Variants in NALCN observed in about 807,000 individuals in gnomAD.
NALCN encodes sodium leak channel NALCN.
In NALCN, 111 loss-of-function variants were observed where a neutral mutation model predicts 225.3. That is an observed-to-expected ratio of 0.49 (90% confidence interval 0.42 to 0.58). The LOEUF (loss-of-function observed/expected upper bound fraction) is 0.58, where lower values mean the gene tolerates loss of function less well. Ranked by LOEUF, NALCN falls within the 20% of genes least tolerant of loss-of-function variation. The probability of loss-of-function intolerance (pLI) is 0.00; values close to 1 mark genes in which losing one functional copy is unlikely to be tolerated. For missense variants in NALCN, 1,378 were observed against 2,202.4 expected (o/e 0.63, Z 7.49); for synonymous variants, 764 against 769.0 (o/e 0.99, Z 0.11).
At chr13:101,347,914 C>T (rs921340830) in intron 6 of NALCN, among the ~76,000 whole-genome samples, 1 of 151,996 alleles carries the variant, frequency 6.6e-6, no homozygotes, top group Non-Finnish European at 1.5e-5. Context: ...TAGCATAAAT[C>T]CCAGCATGTA....
chr13:101,146,076 T>G (rs1173329795), intron 15 of NALCN, among the ~76,000 whole-genome samples: 1 of 152,216 alleles, frequency 6.6e-6, no homozygotes, highest in Non-Finnish European at 1.5e-5. Context: ...TGGGGAAACA[T>G]TCCCATTTCA....
At chr13:101,178,883 T>C (rs1051727224) in intron 14 of NALCN, among the ~76,000 whole-genome samples, 1 of 152,212 alleles carries the variant, frequency 6.6e-6, no homozygotes, top group Non-Finnish European at 1.5e-5. Context: ...TGATGTGCAT[T>C]GCAGCCTGCG....
At chr13:101,414,409 C>G (rs958534660) in intron 1 of NALCN, among the ~76,000 whole-genome samples, 1 of 151,432 alleles carries the variant, frequency 6.6e-6, no homozygotes, top group African/African-American at 2.4e-5. Flanking sequence ...CATTCACAAA[C>G]TTGAAATCCA....
chr13:101,411,214 TTC>T (rs2047773856), intron 1 of NALCN, among the ~76,000 whole-genome samples: 2 of 126,462 alleles, frequency 1.6e-5, no homozygotes, highest in Middle Eastern at 3.5e-3. Context: ...TTTCTTTTTT[TTC>T]CTTTTTTTTT....
chr13:101,162,476 T>C (rs1594339366), intron 15 of NALCN, among the ~76,000 whole-genome samples: 1 of 152,280 alleles, frequency 6.6e-6, no homozygotes, highest in South Asian at 2.1e-4. Flanking sequence ...GGGCAATGAC[T>C]CCAGCTCCAG....
chr13:101,294,925 C>T (rs1233595905), intron 7 of NALCN, among the ~76,000 whole-genome samples: 1 of 152,068 alleles, frequency 6.6e-6, no homozygotes, highest in African/African-American at 2.4e-5. Context: ...TGGTTACAAA[C>T]AATCCATAGA....
intron 10 of NALCN, among the ~76,000 whole-genome samples, chr13:101,273,897 A>AAG (rs1317798999): frequency 2.6e-5 from 4 of 151,678 alleles, no homozygotes; most frequent in African/African-American, 9.7e-5. Flanking sequence ...AAAAAAAAAA[A>AAG]AAAAAAAAAA....
intron 15 of NALCN, among the ~76,000 whole-genome samples, chr13:101,156,830 A>G (rs1036894898): frequency 3.9e-5 from 6 of 152,222 alleles, no homozygotes; most frequent in African/African-American, 1.4e-4. Context: ...CAGTCTTAAC[A>G]TTGGGGTCTT....
intron 34 of NALCN, among the ~76,000 whole-genome samples, chr13:101,078,292 C>A (rs1167702890): frequency 6.6e-6 from 1 of 152,182 alleles, no homozygotes; most frequent in African/African-American, 2.4e-5. Context: ...AGAGGGCCAC[C>A]ATCCTCCAGA....
chr13:101,317,393 C>T (rs886611749), intron 7 of NALCN, among the ~76,000 whole-genome samples: 7 of 152,190 alleles, frequency 4.6e-5, no homozygotes, highest in African/African-American at 1.7e-4. Context: ...GATTCACCCT[C>T]CTTAGCCATT....
At chr13:101,395,413 C>T in intron 2 of NALCN, 48 bp from the exon 3 acceptor site, 1 of 1,567,334 alleles carries the variant, frequency 6.4e-7, no homozygotes. Flanking sequence ...ACTGATATCT[C>T]AAACTTGTAT....
intron 27 of NALCN, among the ~76,000 whole-genome samples, chr13:101,098,314 G>A (rs556228887): frequency 5.9e-5 from 9 of 152,210 alleles, no homozygotes; most frequent in South Asian, 2.1e-4. Context: ...CATGAAACAC[G>A]TTCTGATTGG....
chr13:101,087,118 ATAG>A (rs1159435799), intron 30 of NALCN, among the ~76,000 whole-genome samples: 3 of 152,186 alleles, frequency 2.0e-5, no homozygotes, highest in Admixed American at 6.5e-5. Context: ...ATTGTCTTAC[ATAG>A]TAGAGAAATC....
In NALCN at chr13:101,407,231, A is replaced by T. The variant is rs148610901; in HGVS notation, c.-39-8066T>A. ...AGGTGACTGTTTATTTGATAAAAAGAACATCTACTCTATAAGTTTCCAATC... is the reference window on the plus strand; with the variant it reads ...AGGTGACTGTTTATTTGATAAAAAGTACATCTACTCTATAAGTTTCCAATC... On this transcript the variant is annotated intron_variant, in intron 1 of 43. Coordinates refer to ENST00000251127, the MANE Select transcript of NALCN (RefSeq NM_052867.4). Among the ~76,000 whole-genome samples, 493 of 152,326 alleles carry T rather than the reference A, an allele frequency of 3.2e-3. 3 individuals carry two copies. The highest frequency in any genetic ancestry group is 0.011 in the African/African-American group (459 of 41,582).
At chr13:101,108,309 C>G (rs1244378107) in intron 20 of NALCN, among the ~76,000 whole-genome samples, 3 of 151,972 alleles carry the variant, frequency 2.0e-5, no homozygotes, top group African/African-American at 7.2e-5. Context: ...GATTGAAATC[C>G]TATTATGTGC....
intron 22 of NALCN, among the ~76,000 whole-genome samples, chr13:101,105,155 G>C (rs564434663): frequency 1.1e-3 from 173 of 152,244 alleles, no homozygotes; most frequent in Non-Finnish European, 1.9e-3. Flanking sequence ...TGCAGTTGAT[G>C]CTTATGAAAA....
intron 11 of NALCN, among the ~76,000 whole-genome samples, chr13:101,244,327 T>C (rs1236365905): frequency 1.3e-5 from 2 of 152,216 alleles, no homozygotes; most frequent in African/African-American, 4.8e-5. Flanking sequence ...ACAGATGGAA[T>C]GAACTGTTTA....
intron 13 of NALCN, among the ~76,000 whole-genome samples, chr13:101,194,197 G>A (rs567743313): frequency 1.3e-5 from 2 of 152,092 alleles, no homozygotes; most frequent in Non-Finnish European, 2.9e-5. Context: ...TGAGATAAGC[G>A]ATGTGGGCAA....
In NALCN at chr13:101,219,580, T is replaced by C. The variant is rs141830946; in HGVS notation, c.1626+9813A>G. Among the ~76,000 whole-genome samples, 4 of 152,308 alleles carry C rather than the reference T, an allele frequency of 2.6e-5. No individual in the cohort carries two copies. The East Asian group carries it at 7.7e-4, about 29-fold the overall frequency. On this transcript the variant is annotated intron_variant, in intron 13 of 43. Transcript: ENST00000251127. ...CAGGTGCTGGTTTGGGATCCTGACA[T>C]GATCATTCCTAACACTCACAGGCTG...
Sources: allele counts gnomAD v4.1 joint callset (sites outside exome capture counted in the v4.1 genomes callset), GRCh38; gene constraint gnomAD v4.1.1; transcripts MANE v1.5; gene names NCBI Gene and HGNC (gene_info 2026-07-23, HGNC 2026-07-21).